OPRD1: variants seen among roughly 807,000 people sequenced by gnomAD.
OPRD1 encodes opioid receptor delta 1.
OPRD1 carries 19 observed loss-of-function variants against 17.5 expected under a neutral mutation model. That is an observed-to-expected ratio of 1.09 (90% CI 0.76 to 1.60). The LOEUF (loss-of-function observed/expected upper bound fraction) is 1.60, where lower values mean the gene tolerates loss of function less well. OPRD1 is among the 40% of genes most tolerant of loss of function. The pLI is 0.00. For missense variants in OPRD1, 483 were observed against 547.2 expected (o/e 0.88, Z 1.17); for synonymous variants, 256 against 240.9 (o/e 1.06, Z -0.58).
chr1:28,846,846 T>TTTTCTTTCTTTCTTTCTTTCTTTCTTTC (rs1553150754), intron 1 of OPRD1, among the ~76,000 whole-genome samples: 2 of 76,908 alleles, frequency 2.6e-5, no homozygotes, highest in Non-Finnish European at 5.9e-5. Context: ...TCTTTCTTTC[T>TTTTCTTTCTTTCTTTCTTTCTTTCTTTC]TTTCTTTCTT....
chr1:28,817,394 G>A (rs1047927809), intron 1 of OPRD1, among the ~76,000 whole-genome samples: 2 of 152,166 alleles, frequency 1.3e-5, no homozygotes, highest in Non-Finnish European at 2.9e-5. Flanking sequence ...GGTGGGCTGT[G>A]GCAGGGTCGG....
At chr1:28,846,641 G>C (rs515994) in intron 1 of OPRD1, among the ~76,000 whole-genome samples, 63,255 of 148,988 alleles carry the variant, frequency 0.42, 15,043 homozygotes, top group East Asian at 0.87. Flanking sequence ...CGAGATTACA[G>C]CACTGCACTC....
intron 1 of OPRD1, among the ~76,000 whole-genome samples, chr1:28,829,385 T>C (rs927047540): frequency 2.0e-5 from 3 of 152,204 alleles, no homozygotes; most frequent in Non-Finnish European, 4.4e-5. Context: ...TTTCCTTCTT[T>C]TAAGACAGAG....
intron 1 of OPRD1, among the ~76,000 whole-genome samples, chr1:28,857,895 C>T (rs2089071507): frequency 6.6e-6 from 1 of 152,054 alleles, no homozygotes; most frequent in East Asian, 1.9e-4. Context: ...CGGGTTCAAG[C>T]AGTTCTCTTG....
Position 28,862,764 on chromosome 1 carries a change from C to T in OPRD1, c.600C>T (p.Leu200=). 6.2e-7 allele frequency: 1 copy of T among 1,611,430 alleles called. No homozygotes were observed. The highest frequency in any genetic ancestry group is 1.1e-5 in the South Asian group (1 of 90,660). Residue 200 remains leucine, a synonymous_variant, in exon 3 of 3, where the codon CTC becomes CTT. Coordinates refer to ENST00000234961, the MANE Select transcript of OPRD1 (RefSeq NM_000911.4). ...RPRDGAVVCM[L]QFPSPSWYWD... is the part of the protein sequence containing the mutation. ...CAGACGGGGCAGTGGTGTGCATGCT[C>T]CAGTTCCCCAGCCCCAGCTGGTACT...
intron 2 of OPRD1, among the ~76,000 whole-genome samples, chr1:28,861,943 G>A (rs1454188691): frequency 7.0e-6 from 1 of 142,932 alleles, no homozygotes; most frequent in African/African-American, 2.7e-5. Flanking sequence ...ACGGAGTCTC[G>A]CTCTGTCGCC....
intron 1 of OPRD1, among the ~76,000 whole-genome samples, chr1:28,818,183 C>T (rs574442174): frequency 3.3e-5 from 5 of 152,226 alleles, no homozygotes; most frequent in South Asian, 2.1e-4. Context: ...GAGGCCTGGT[C>T]GTCTATGTTT....
intron 1 of OPRD1, among the ~76,000 whole-genome samples, chr1:28,849,302 A>G (rs2088979009): frequency 6.6e-6 from 1 of 152,050 alleles, no homozygotes; most frequent in African/African-American, 2.4e-5. Flanking sequence ...AGCTCTGCCA[A>G]CAGAATTCTG....
chr1:28,846,846 T>TTTCTTTTCTTTCTTTCTTTCTTTC (rs769212543), intron 1 of OPRD1, among the ~76,000 whole-genome samples: 3 of 76,956 alleles, frequency 3.9e-5, no homozygotes, highest in African/African-American at 1.1e-4. Context: ...TCTTTCTTTC[T>TTTCTTTTCTTTCTTTCTTTCTTTC]TTTCTTTCTT....
At chr1:28,860,796 G>T (rs913398819) in intron 2 of OPRD1, among the ~76,000 whole-genome samples, 4 of 152,144 alleles carry the variant, frequency 2.6e-5, no homozygotes, top group Non-Finnish European at 5.9e-5. Context: ...AGTTTGCAGA[G>T]GGTTGATGCT....
intron 1 of OPRD1, among the ~76,000 whole-genome samples, chr1:28,855,597 G>A (rs78479986): frequency 6.6e-6 from 1 of 152,188 alleles, no homozygotes; most frequent in Non-Finnish European, 1.5e-5. Context: ...GGCCCTACCT[G>A]GCGGGCAATC....
chr1:28,831,487 C>T (rs1477600785), intron 1 of OPRD1, among the ~76,000 whole-genome samples: 8 of 144,058 alleles, frequency 5.6e-5, no homozygotes, highest in South Asian at 2.3e-4. Context: ...CCAGCCTGGG[C>T]GACAGAGTGA....
intron 1 of OPRD1, among the ~76,000 whole-genome samples, chr1:28,847,140 C>A (rs1427924118): frequency 1.3e-5 from 2 of 151,520 alleles, no homozygotes; most frequent in African/African-American, 4.8e-5. Context: ...CAACCTCTGC[C>A]TCCCGGGTTC....
At chr1:28,854,558 GTGA>G (rs928987819) in intron 1 of OPRD1, among the ~76,000 whole-genome samples, 3 of 152,040 alleles carry the variant, frequency 2.0e-5, no homozygotes, top group Non-Finnish European at 4.4e-5. Context: ...ACTTACGTGG[GTGA>G]TGAATTGTGG....
intron 2 of OPRD1, 97 bp downstream of exon 2, chr1:28,859,400 G>A (rs1235249045): frequency 9.6e-7 from 1 of 1,045,876 alleles, no homozygotes; most frequent in Non-Finnish European, 1.4e-6. Flanking sequence ...GGTGAGTGTA[G>A]GTGGCTCATC....
intron 1 of OPRD1, among the ~76,000 whole-genome samples, chr1:28,834,087 T>C (rs2088829750): frequency 6.6e-6 from 1 of 152,144 alleles, no homozygotes; most frequent in Admixed American, 6.5e-5. Context: ...AATTTTTGTA[T>C]TTTTAGTAGA....
chr1:28,863,271 C>A lies in OPRD1; in HGVS notation c.1107C>A (p.Gly369=). Residue 369 remains glycine (G), a synonymous_variant, in exon 3 of 3, where the codon GGC becomes GGA. Transcript: ENST00000234961. The part of the protein sequence containing the change: ...ACTPSDGPGG[G]AAA ...CCCCGTCCGATGGTCCCGGCGGTGG[C>A]GCTGCCGCCTGACCAGGCCATCCGG... 6.9e-7 allele frequency: 1 copy of A among 1,453,758 alleles called. No individual in the cohort carries two copies. The highest frequency in any genetic ancestry group is 9.0e-7 in the Non-Finnish European group (1 of 1,114,284). The allele number at this position is 1,453,758 out of a possible 1,614,324, so 90.1% of individuals were successfully genotyped here. A position where few individuals can be genotyped will look rare whatever the true frequency, so the allele number is the denominator to read the frequency against.
Position 28,864,970 on chromosome 1 carries a change from A to T in OPRD1, c.*1687A>T, listed in dbSNP as rs1022491640. On this transcript the variant is annotated 3_prime_UTR_variant, in exon 3 of 3. Transcript: ENST00000234961. ...CTTTTGTAACTGCAATGCCGGCATC[A>T]GTGTGTGTCCCCCTCTGCCTTTCCC... 3 of 152,176 alleles carry T rather than the reference A, an allele frequency of 2.0e-5. No individual in the cohort carries two copies. Among genetic ancestry groups the T allele is most frequent in the African/African-American group, 7.3e-5 (3 of 41,350 alleles). 9.4% of individuals were successfully genotyped at this position (152,176 alleles called of 1,614,324 possible).
Position 28,858,961 on chromosome 1 carries a change from A to G in OPRD1, c.235A>G (p.Lys79Glu), listed in dbSNP as rs752309169. 6.2e-7 allele frequency: 1 copy of G among 1,609,606 alleles called. No homozygotes were observed. Among genetic ancestry groups the G allele is most frequent in the South Asian group, 1.1e-5 (1 of 91,078 alleles). Residue 79 changes from lysine to glutamate, a missense_variant, in exon 2 of 3, where the codon AAG becomes GAG. By Grantham distance (56) the Lys-to-Glu change is moderately conservative (BLOSUM62 1). Transcript: ENST00000234961. ...LVMFGIVRYTKMKTATNIYIF... is the reference protein window; with the variant it reads ...LVMFGIVRYTEMKTATNIYIF... Reference sequence around the variant, plus strand: ...CATGCATTTCTTTCTAAGGTACACTAAGATGAAGACGGCCACCAACATCTA... The same window carrying G: ...CATGCATTTCTTTCTAAGGTACACTGAGATGAAGACGGCCACCAACATCTA...
Sources: allele counts gnomAD v4.1 joint callset (sites outside exome capture counted in the v4.1 genomes callset), GRCh38; gene constraint gnomAD v4.1.1; transcripts MANE v1.5; gene names NCBI Gene and HGNC (gene_info 2026-07-23, HGNC 2026-07-21).